The following BPTF variants were observed in gnomAD, a reference collection of about 807,000 sequenced individuals.
BPTF encodes bromodomain PHD finger transcription factor.
In BPTF, 18 loss-of-function variants were observed where a neutral mutation model predicts 292.5. The ratio of observed to expected loss-of-function variants is 0.06; its 90% CI spans 0.04 to 0.09. The LOEUF (loss-of-function observed/expected upper bound fraction) is 0.09. Ranked by LOEUF, BPTF falls within the 10% of genes least tolerant of loss-of-function variation. The pLI is 1.00. For missense variants in BPTF, 2,726 were observed against 3,498.7 expected (o/e 0.78, Z 5.57); for synonymous variants, 1,225 against 1,251.9 (o/e 0.98, Z 0.45).
rs765770406 is a variant in BPTF at position 67,866,664 on chromosome 17, A to G, written c.1637A>G (p.Lys546Arg). The change falls in exon 3 of 28, where the codon AAA becomes AGA. Residue 546 changes from lysine (K) to arginine (R), a missense_variant. Physicochemically the swap from Lys to Arg is conservative, Grantham distance 26. Around this residue, in one of 22 missense-constraint regions of BPTF, gnomAD observed 187 missense variants for 201.5 expected, o/e 0.93. Coordinates refer to ENST00000306378, the MANE Select transcript of BPTF (RefSeq NM_182641.4). ...DLTNKARGSN[K>R]SFLAAANEEI... is the part of the protein sequence containing the mutation. The stretch of plus-strand genomic sequence containing the variant: ...ACCAATAAGGCTCGGGGCAGTAACA[A>G]ATCCTTTCTGGCGGCAGCTAATGGT... 3.0e-5 allele frequency: 49 copies of G among 1,613,542 alleles called. No individual in the cohort carries two copies. Among genetic ancestry groups the G allele is most frequent in the Non-Finnish European group, 3.6e-5 (42 of 1,179,674 alleles).
chr17:67,980,255 G>A (rs150687265), intron 27 of BPTF, among the ~76,000 whole-genome samples: 5,229 of 152,198 alleles, frequency 0.034, 304 homozygotes, highest in African/African-American at 0.11. Context: ...TGAGGCAGGA[G>A]AATCATTTGA....
chr17:67,850,183 G>A (rs1162877046), intron 1 of BPTF, among the ~76,000 whole-genome samples: 3 of 152,094 alleles, frequency 2.0e-5, no homozygotes, highest in South Asian at 4.1e-4. Flanking sequence ...TTATTTAATA[G>A]CTTATTATAT....
chr17:67,836,256 A>G (rs1414481597), intron 1 of BPTF, among the ~76,000 whole-genome samples: 2 of 152,098 alleles, frequency 1.3e-5, no homozygotes, highest in Non-Finnish European at 2.9e-5. Flanking sequence ...ACTCATGGAT[A>G]TGTTCTGTAA....
At chr17:67,855,595 G>T (rs1437535255) in intron 2 of BPTF, among the ~76,000 whole-genome samples, 1 of 152,164 alleles carries the variant, frequency 6.6e-6, no homozygotes, top group African/African-American at 2.4e-5. Flanking sequence ...GTTTCGAGAA[G>T]CTCTTCTGGG....
chr17:67,957,308 TAAAG>T (rs1408692826), intron 23 of BPTF: 2 of 152,048 alleles, frequency 1.3e-5, no homozygotes, highest in Admixed American at 6.6e-5. Context: ...ATAAAAAAAA[TAAAG>T]GAAACGTGGG....
intron 4 of BPTF, among the ~76,000 whole-genome samples, chr17:67,887,601 G>A (rs2060828983): frequency 6.6e-6 from 1 of 152,050 alleles, no homozygotes; most frequent in African/African-American, 2.4e-5. Flanking sequence ...ATATGAGTTG[G>A]AAATCTGTTT....
At position 67,854,324 on chromosome 17, in the gene BPTF, A is replaced by G. The variant is rs1363828742; in HGVS notation, c.998A>G (p.Tyr333Cys). The change falls in exon 2 of 28, where the codon TAC becomes TGC. Residue 333 changes from tyrosine to cysteine, a missense_variant. Physicochemically the swap from Tyr to Cys is radical, Grantham distance 194. Coordinates refer to ENST00000306378, the MANE Select transcript of BPTF (RefSeq NM_182641.4). The surrounding 1 kb of genome is among the most constrained non-coding windows in gnomAD (Gnocchi z 5.6). Reference protein sequence around the residue: ...GMTWPEVLRVYCESDKEYHHV... With the variant: ...GMTWPEVLRVCCESDKEYHHV... ...ACGTGGCCAGAGGTGCTGCGGGTGT[A>G]CTGTGAGAGTGATAAGGAGTACCAT... The G allele has an allele frequency of 6.2e-7, 1 of 1,614,246 alleles. No individual in the cohort carries two copies. The highest frequency in any genetic ancestry group is 8.5e-7 in the Non-Finnish European group (1 of 1,180,040).
At chr17:67,841,982 A>G (rs191181482) in intron 1 of BPTF, among the ~76,000 whole-genome samples, 15 of 152,226 alleles carry the variant, frequency 9.9e-5, no homozygotes, top group African/African-American at 3.6e-4. Flanking sequence ...TAGGAATTAC[A>G]AAATATATAC....
chr17:67,869,754 C>T (rs533607124), intron 3 of BPTF, among the ~76,000 whole-genome samples: 16 of 144,926 alleles, frequency 1.1e-4, no homozygotes, highest in African/African-American at 3.6e-4. Flanking sequence ...GAGGCTGAGG[C>T]GGGCGGATCA....
At position 67,893,160 on chromosome 17, in the gene BPTF, A is replaced by T. The variant is rs1465223671; in HGVS notation, c.2056-210A>T. The T allele has an allele frequency of 2.1e-5, 12 of 568,854 alleles. No individual in the cohort carries two copies. The East Asian group carries it at 3.1e-4, about 14-fold the overall frequency. 35.2% of individuals were successfully genotyped at this position (568,854 alleles called of 1,614,324 possible). ...ATGTAATAGGTACTTAATATGTGTT[A>T]GTTTTCTTTCTGCAGGCATATCTTG... On this transcript the variant is annotated intron_variant, in intron 5 of 27. Coordinates refer to ENST00000306378, the MANE Select transcript of BPTF (RefSeq NM_182641.4).
intron 15 of BPTF, among the ~76,000 whole-genome samples, chr17:67,926,298 T>C: frequency 6.7e-6 from 1 of 148,304 alleles, no homozygotes; most frequent in East Asian, 2.0e-4. Context: ...CACCACTGCA[T>C]TTGGCCCTAA....
chr17:67,826,393 C>T (rs960899665), intron 1 of BPTF, 56 bp downstream of exon 1: 6 of 1,536,092 alleles, frequency 3.9e-6, no homozygotes, highest in South Asian at 2.4e-5. Flanking sequence ...TGCCCTCCCC[C>T]CTTGCTCACT....
chr17:67,905,206 T>C (rs2062096284), intron 9 of BPTF, among the ~76,000 whole-genome samples: 1 of 151,850 alleles, frequency 6.6e-6, no homozygotes, highest in Non-Finnish European at 1.5e-5. Flanking sequence ...GGTCAGGAGT[T>C]CTAGACTACC....
At chr17:67,856,183 G>T (rs1384923235) in intron 2 of BPTF, among the ~76,000 whole-genome samples, 12 of 151,808 alleles carry the variant, frequency 7.9e-5, no homozygotes, top group Non-Finnish European at 1.3e-4. Context: ...TTTTCTCTTT[G>T]GGGTATTTGT....
chr17:67,983,050 C>T lies in BPTF; in HGVS notation c.*762C>T, dbSNP rs1421365379. The T allele has an allele frequency of 6.6e-6, 1 of 152,322 alleles. No homozygotes were observed. The highest frequency in any genetic ancestry group is 2.4e-5 in the African/African-American group (1 of 41,460). The allele number at this position is 152,322 out of a possible 1,614,324, so 9.4% of individuals were successfully genotyped here. On this transcript the variant is annotated 3_prime_UTR_variant, in exon 28 of 28. Transcript: ENST00000306378. ...ATGAGTAAAATCTATTTGAAGGTAT[C>T]TTGTTTGTAAACATTTGTCAGATTC...
chr17:67,866,450 C>A lies in BPTF; in HGVS notation c.1437-14C>A, dbSNP rs377147094. The A allele has an allele frequency of 1.5e-5, 23 of 1,559,590 alleles. No individual in the cohort carries two copies. Among genetic ancestry groups the A allele is most frequent in the South Asian group, 1.1e-5 (1 of 89,702 alleles). On this transcript the variant is annotated splice_polypyrimidine_tract_variant and intron_variant, in intron 2 of 27. Transcript: ENST00000306378. ...TGTCTAACATATAAAGTATTTCCCC[C>A]CATTTTTAAACAGAGAAGAAGATAC...
At chr17:67,838,291 A>T (rs2057288942) in intron 1 of BPTF, among the ~76,000 whole-genome samples, 1 of 152,254 alleles carries the variant, frequency 6.6e-6, no homozygotes, top group Non-Finnish European at 1.5e-5. Context: ...TGTGATTTCG[A>T]TAATTCGTTT....
intron 25 of BPTF, 120 bp downstream of exon 25, chr17:67,964,524 A>G (rs2067818686): frequency 1.6e-6 from 2 of 1,222,740 alleles, no homozygotes; most frequent in Non-Finnish European, 2.2e-6. Context: ...CAGCTAGTCT[A>G]GTGAAGTGCC....
chr17:67,827,314 C>CCCGAAAT (rs1431602948), intron 1 of BPTF, among the ~76,000 whole-genome samples: 1 of 152,160 alleles, frequency 6.6e-6, no homozygotes, highest in Non-Finnish European at 1.5e-5. Context: ...AAAAAGCCCT[C>CCCGAAAT]CCGAAATCCG....
Sources: gnomAD v4.1 joint callset for allele counts (sites outside exome capture counted in the v4.1 genomes callset) on GRCh38, gnomAD v4.1.1 for gene constraint, gnomAD v4.1.1 regional missense constraint, Gnocchi (gnomAD v3.1) non-coding constraint, MANE v1.5 for transcripts, NCBI Gene and HGNC (gene_info 2026-07-23, HGNC 2026-07-21) for gene names.